The following CSNK2A2IP variants were observed in gnomAD, a reference collection of about 807,000 sequenced individuals.
The protein encoded by CSNK2A2IP is casein kinase II subunit alpha'-interacting protein.
At chr3:88,366,072 G>A in the CSNK2A2IP span, among the ~76,000 whole-genome samples, 10 of 148,328 alleles carry the variant, frequency 6.7e-5, no homozygotes, top group African/African-American at 1.5e-4. Context: ...CTGTCCAAAC[G>A]TTACTGCATT....
the CSNK2A2IP span, chr3:88,465,907 T>C: frequency 8.1e-7 from 1 of 1,231,648 alleles, no homozygotes; most frequent in Non-Finnish European, 1.0e-6. Flanking sequence ...AAGTTCATCA[T>C]TATTTCGCCT....
At chr3:88,433,447 T>A in the CSNK2A2IP span, among the ~76,000 whole-genome samples, 2 of 152,314 alleles carry the variant, frequency 1.3e-5, no homozygotes, top group South Asian at 2.1e-4. Flanking sequence ...ACTTCTTACA[T>A]GTTTTGTACA....
chr3:88,345,336 C>T, the CSNK2A2IP span, among the ~76,000 whole-genome samples: 2,431 of 152,006 alleles, frequency 0.016, 58 homozygotes, highest in African/African-American at 0.054. Context: ...TTTCCTTTAC[C>T]TCTGCTTTCT....
At chr3:88,413,421 G>T in the CSNK2A2IP span, among the ~76,000 whole-genome samples, 2 of 151,902 alleles carry the variant, frequency 1.3e-5, no homozygotes, top group Non-Finnish European at 2.9e-5. Flanking sequence ...ATGATTGGGA[G>T]AATTTGTATA....
the CSNK2A2IP span, among the ~76,000 whole-genome samples, chr3:88,444,354 C>A: frequency 6.6e-6 from 1 of 152,082 alleles, no homozygotes; most frequent in Non-Finnish European, 1.5e-5. Flanking sequence ...GAGTTTATGT[C>A]AAAAAGTTCT....
chr3:88,431,086 C>T, the CSNK2A2IP span: 3 of 152,270 alleles, frequency 2.0e-5, no homozygotes, highest in South Asian at 6.2e-4. Flanking sequence ...AATTGAACTT[C>T]AGAATTAGTG....
chr3:88,346,040 T>G, the CSNK2A2IP span, among the ~76,000 whole-genome samples: 2 of 151,920 alleles, frequency 1.3e-5, no homozygotes, highest in African/African-American at 4.8e-5. Flanking sequence ...TTATTGCTGA[T>G]ATGGAGAAAA....
the CSNK2A2IP span, among the ~76,000 whole-genome samples, chr3:88,414,960 T>C: frequency 6.6e-6 from 1 of 151,882 alleles, no homozygotes; most frequent in Admixed American, 6.6e-5. Context: ...TTCTAACTGG[T>C]ATTTTAAAAT....
the CSNK2A2IP span, among the ~76,000 whole-genome samples, chr3:88,384,682 A>G: frequency 1.3e-5 from 2 of 152,240 alleles, no homozygotes; most frequent in African/African-American, 4.8e-5. Context: ...TTGTGGCTAT[A>G]GAAAATGGCC....
the CSNK2A2IP span, among the ~76,000 whole-genome samples, chr3:88,366,372 A>G: frequency 6.6e-6 from 1 of 152,172 alleles, no homozygotes; most frequent in South Asian, 2.1e-4. Flanking sequence ...AGTCAACTGA[A>G]AACCAGATGA....
chr3:88,424,903 T>A, the CSNK2A2IP span, among the ~76,000 whole-genome samples: 1 of 152,052 alleles, frequency 6.6e-6, no homozygotes, highest in Non-Finnish European at 1.5e-5. Flanking sequence ...GATAATTGAA[T>A]AATATTGACA....
At chr3:88,391,459 T>A in the CSNK2A2IP span, among the ~76,000 whole-genome samples, 1 of 152,152 alleles carries the variant, frequency 6.6e-6, no homozygotes, top group East Asian at 1.9e-4. Flanking sequence ...TTAGAATATT[T>A]CAAAAGGAAA....
the CSNK2A2IP span, among the ~76,000 whole-genome samples, chr3:88,464,479 A>C: frequency 6.6e-6 from 1 of 151,994 alleles, no homozygotes; most frequent in African/African-American, 2.4e-5. Context: ...AAGACTTGGA[A>C]AAAAAATAAG....
the CSNK2A2IP span, among the ~76,000 whole-genome samples, chr3:88,401,582 A>G: frequency 6.6e-6 from 1 of 152,146 alleles, no homozygotes; most frequent in Non-Finnish European, 1.5e-5. Context: ...GAATGAGTAG[A>G]TAAAGCAAGT....
chr3:88,444,959 C>G, the CSNK2A2IP span, among the ~76,000 whole-genome samples: 1 of 152,010 alleles, frequency 6.6e-6, no homozygotes, highest in Admixed American at 6.6e-5. Flanking sequence ...AACCTAGTGA[C>G]CATTTCCTGG....
At chr3:88,423,093 C>CA in the CSNK2A2IP span, among the ~76,000 whole-genome samples, 1 of 152,278 alleles carries the variant, frequency 6.6e-6, no homozygotes, top group East Asian at 1.9e-4. Context: ...CTTACCGTGT[C>CA]ACAGTGTTTG....
the CSNK2A2IP span, among the ~76,000 whole-genome samples, chr3:88,391,169 CATATAG>C: frequency 6.6e-6 from 1 of 152,018 alleles, no homozygotes; most frequent in Non-Finnish European, 1.5e-5. Flanking sequence ...TAGATATGTA[CATATAG>C]ATATAGAGAT....
At chr3:88,351,958 G>A in the CSNK2A2IP span, among the ~76,000 whole-genome samples, 2 of 151,954 alleles carry the variant, frequency 1.3e-5, no homozygotes, top group African/African-American at 2.4e-5. Context: ...CATTTACATA[G>A]CATTAAAACG....
At chr3:88,381,605 T>A in the CSNK2A2IP span, among the ~76,000 whole-genome samples, 2 of 152,156 alleles carry the variant, frequency 1.3e-5, no homozygotes, top group African/African-American at 4.8e-5. Context: ...AAGTGAGTGG[T>A]TCTCAAGAGG....
Sources: gnomAD v4.1 joint callset for allele counts (sites outside exome capture counted in the v4.1 genomes callset) on GRCh38, gnomAD v4.1.1 for gene constraint, MANE v1.5 for transcripts, NCBI Gene and HGNC (gene_info 2026-07-23, HGNC 2026-07-21) for gene names.